SGCD: variants seen among roughly 807,000 people sequenced by gnomAD.
SGCD encodes delta-sarcoglycan.
A neutral mutation model predicts 36.6 loss-of-function variants in SGCD; 18 were observed. That is an observed-to-expected ratio of 0.49 (90% CI 0.34 to 0.73). The LOEUF is 0.73. SGCD is among the 30% of genes least tolerant of loss of function. SGCD has a pLI of 0.01. For synonymous variants in SGCD, 133 were observed against 130.6 expected (o/e 1.02, Z -0.12); for missense variants, 387 against 346.7 (o/e 1.12, Z -0.92).
intron 1 of SGCD, among the ~76,000 whole-genome samples, chr5:155,944,381 CT>C (rs1757396826): frequency 6.6e-6 from 1 of 152,178 alleles, no homozygotes; most frequent in African/African-American, 2.4e-5. Flanking sequence ...CAGACAATGA[CT>C]AGGCATGTGC....
intron 3 of SGCD, among the ~76,000 whole-genome samples, chr5:156,220,164 A>T (rs1412067561): frequency 6.6e-6 from 1 of 152,184 alleles, no homozygotes; most frequent in Non-Finnish European, 1.5e-5. Context: ...TTAGGGAAGG[A>T]GCATTTCCAG....
intron 1 of SGCD, among the ~76,000 whole-genome samples, chr5:156,074,169 C>G (rs1007902498): frequency 2.6e-5 from 4 of 152,172 alleles, no homozygotes; most frequent in African/African-American, 4.8e-5. Flanking sequence ...CACATATGGA[C>G]TACATGAGAG....
intron 3 of SGCD, among the ~76,000 whole-genome samples, chr5:156,379,151 T>C (rs1005351128): frequency 3.3e-5 from 5 of 152,194 alleles, no homozygotes; most frequent in Non-Finnish European, 5.9e-5. Flanking sequence ...ATATCTGCCA[T>C]AAAGCTTGCA....
At chr5:156,120,764 AAG>A (rs1217206316) in intron 2 of SGCD, among the ~76,000 whole-genome samples, 4 of 152,186 alleles carry the variant, frequency 2.6e-5, no homozygotes, top group Admixed American at 1.3e-4. Flanking sequence ...GAAAAGAAGA[AAG>A]AAAGATGCAT....
chr5:156,029,950 C>T (rs929066249), intron 1 of SGCD, among the ~76,000 whole-genome samples: 1 of 152,168 alleles, frequency 6.6e-6, no homozygotes, highest in Non-Finnish European at 1.5e-5. Context: ...AAAGCCTTCG[C>T]CAAGCCCTCC....
intron 1 of SGCD, among the ~76,000 whole-genome samples, chr5:155,881,420 T>C (rs1025117532): frequency 1.7e-5 from 2 of 119,976 alleles, no homozygotes; most frequent in Non-Finnish European, 3.2e-5. Flanking sequence ...TTGGGTGCAA[T>C]GGCATTATGT....
intron 3 of SGCD, among the ~76,000 whole-genome samples, chr5:156,183,107 C>T (rs1763648456): frequency 1.3e-5 from 2 of 152,074 alleles, no homozygotes; most frequent in Admixed American, 1.3e-4. Context: ...CAGTGAAATC[C>T]CATCTCTACT....
the SGCD span, among the ~76,000 whole-genome samples, chr5:155,860,684 T>C: frequency 2.6e-5 from 4 of 152,196 alleles, no homozygotes; most frequent in African/African-American, 9.6e-5. Context: ...CTTGATGAGA[T>C]GCGTGCTTCG....
chr5:156,156,708 G>A (rs1003214524), intron 3 of SGCD, among the ~76,000 whole-genome samples: 1 of 151,388 alleles, frequency 6.6e-6, no homozygotes, highest in Admixed American at 6.6e-5. Context: ...TGGAGACTAG[G>A]AATGTATATT....
chr5:156,629,059 A>G (rs1474219945), intron 6 of SGCD, among the ~76,000 whole-genome samples: 3 of 152,186 alleles, frequency 2.0e-5, no homozygotes, highest in African/African-American at 7.2e-5. Flanking sequence ...TAACTCTCAA[A>G]ACTTCAGTTT....
rs1561685768 is a variant in SGCD at position 156,423,349 on chromosome 5, A to ATTTTATTATAATATAATAT, written c.192+78672_192+78673insTTTTATTATAATATAATAT. Among the ~76,000 whole-genome samples the ATTTTATTATAATATAATAT allele has an allele frequency of 1.7e-3, 26 of 15,056 alleles. No homozygotes were observed. In the South Asian group the frequency reaches 0.024, roughly 14 times the overall value. 9.9% of individuals were successfully genotyped at this position (15,056 alleles called of 152,430 possible). A position where few individuals can be genotyped will look rare whatever the true frequency, so the allele number is the denominator to read the frequency against. Reference sequence around the variant, plus strand: ...ATTTTATTATAATATAATATATTATAATTTTATTATAATATATTATATTTT... The same window carrying ATTTTATTATAATATAATAT: ...ATTTTATTATAATATAATATATTATATTTTATTATAATATAATATATTTTATTATAATATATTATATTTT... On this transcript the variant is annotated intron_variant, in intron 3 of 8. Coordinates refer to ENST00000337851, the MANE Select transcript of SGCD (RefSeq NM_000337.6).
chr5:156,500,306 C>T (rs1464151842), intron 3 of SGCD, among the ~76,000 whole-genome samples: 1 of 152,152 alleles, frequency 6.6e-6, no homozygotes, highest in Non-Finnish European at 1.5e-5. Context: ...AATTGCCAAG[C>T]CATTTTTTAG....
intron 3 of SGCD, among the ~76,000 whole-genome samples, chr5:156,220,791 C>T (rs894899000): frequency 6.6e-6 from 1 of 152,138 alleles, no homozygotes; most frequent in Non-Finnish European, 1.5e-5. Context: ...AAGTAAATCT[C>T]AGCCCACAAA....
At chr5:155,808,557 T>C in the SGCD span, among the ~76,000 whole-genome samples, 1 of 152,158 alleles carries the variant, frequency 6.6e-6, no homozygotes, top group African/African-American at 2.4e-5. Flanking sequence ...CCAGTGAAGA[T>C]TGGATGGCAT....
intron 7 of SGCD, among the ~76,000 whole-genome samples, chr5:156,709,141 C>A (rs1337683638): frequency 6.6e-6 from 1 of 152,106 alleles, no homozygotes; most frequent in Non-Finnish European, 1.5e-5. Context: ...CAGTTGCCTT[C>A]AACTCAAAAT....
intron 3 of SGCD, among the ~76,000 whole-genome samples, chr5:156,506,385 C>A (rs1435910185): frequency 6.6e-6 from 1 of 151,604 alleles, no homozygotes; most frequent in Non-Finnish European, 1.5e-5. Flanking sequence ...ACACACACAC[C>A]CCTTATTTTC....
At chr5:156,096,638 T>A (rs1021193289) in intron 1 of SGCD, among the ~76,000 whole-genome samples, 1 of 152,146 alleles carries the variant, frequency 6.6e-6, no homozygotes, top group Non-Finnish European at 1.5e-5. Flanking sequence ...CCCTGGACTG[T>A]TTCAAGATTC....
intron 1 of SGCD, among the ~76,000 whole-genome samples, chr5:156,036,785 C>G (rs1039335847): frequency 1.3e-5 from 2 of 152,090 alleles, no homozygotes; most frequent in African/African-American, 4.8e-5. Context: ...CTAAGAGTGG[C>G]TCATACTCTG....
intron 1 of SGCD, among the ~76,000 whole-genome samples, chr5:155,879,546 T>C (rs1278575470): frequency 6.6e-6 from 1 of 152,166 alleles, no homozygotes; most frequent in Non-Finnish European, 1.5e-5. Context: ...GCAAGTATTC[T>C]TTCTTGTAAC....
Sources: gnomAD v4.1 joint callset for allele counts (sites outside exome capture counted in the v4.1 genomes callset) on GRCh38, gnomAD v4.1.1 for gene constraint, MANE v1.5 for transcripts, NCBI Gene and HGNC (gene_info 2026-07-23, HGNC 2026-07-21) for gene names.